The following NBEA variants were observed in gnomAD, a reference collection of about 807,000 sequenced individuals.
The protein encoded by NBEA is neurobeachin.
A neutral mutation model predicts 343.4 loss-of-function variants in NBEA; 44 were observed. The ratio of observed to expected loss-of-function variants is 0.13; its 90% CI spans 0.10 to 0.16. The LOEUF is 0.16. Among genes scored for constraint, NBEA ranks in the 10% least tolerant of loss-of-function variants. NBEA has a pLI of 1.00. For missense variants in NBEA, 2,555 were observed against 3,631.3 expected, an observed-to-expected ratio of 0.70 and a Z score of 7.62; for synonymous variants, 1,175 against 1,238.7, an observed-to-expected ratio of 0.95 and a Z score of 1.08.
intron 16 of NBEA, 53 bp downstream of exon 16, chr13:35,118,527 C>G: frequency 7.7e-7 from 1 of 1,302,894 alleles, no homozygotes. Flanking sequence ...CACAGTTGTT[C>G]CTCCTAGAAT....
chr13:35,288,706 A>G (rs890644379), intron 34 of NBEA, among the ~76,000 whole-genome samples: 1 of 151,944 alleles, frequency 6.6e-6, no homozygotes, highest in African/African-American at 2.4e-5. Context: ...ACTTCAATTT[A>G]TTATATATTT....
chr13:35,246,670 CCTG>C (rs2031246405), intron 34 of NBEA, among the ~76,000 whole-genome samples: 2 of 152,150 alleles, frequency 1.3e-5, no homozygotes, highest in African/African-American at 4.8e-5. Context: ...GATACCAGCA[CCTG>C]CTCCAATGAA....
intron 10 of NBEA, among the ~76,000 whole-genome samples, chr13:35,074,080 G>T (rs1031484087): frequency 2.0e-5 from 3 of 152,140 alleles, no homozygotes; most frequent in Non-Finnish European, 4.4e-5. Context: ...GGACTTTCAA[G>T]TCAGACAAAC....
chr13:35,216,849 A>G (rs999336566), intron 33 of NBEA, among the ~76,000 whole-genome samples: 4 of 151,990 alleles, frequency 2.6e-5, no homozygotes, highest in Admixed American at 1.3e-4. Flanking sequence ...GCTATTAAAA[A>G]TAAAGTTACA....
chr13:35,189,909 G>A (rs769448557), intron 30 of NBEA, among the ~76,000 whole-genome samples: 7 of 152,056 alleles, frequency 4.6e-5, no homozygotes, highest in Non-Finnish European at 8.8e-5. Flanking sequence ...AGAACAGCAA[G>A]ATTTAGAGTG....
chr13:35,625,402 A>C (rs2083179935), intron 48 of NBEA, among the ~76,000 whole-genome samples: 1 of 152,130 alleles, frequency 6.6e-6, no homozygotes, highest in South Asian at 2.1e-4. Flanking sequence ...GGATCACGTG[A>C]GCTCAGGAGT....
intron 41 of NBEA, among the ~76,000 whole-genome samples, chr13:35,510,174 G>C (rs189173449): frequency 1.2e-3 from 190 of 152,290 alleles, no homozygotes; most frequent in African/African-American, 4.4e-3. Context: ...CGTTTGAATG[G>C]AGAATTGAAA....
At chr13:35,246,393 G>T (rs1459212162) in intron 34 of NBEA, among the ~76,000 whole-genome samples, 1 of 152,048 alleles carries the variant, frequency 6.6e-6, no homozygotes, top group Non-Finnish European at 1.5e-5. Flanking sequence ...TATTTTTATG[G>T]TTCCTTCCCA....
At chr13:35,317,856 G>A (rs1462266555) in intron 36 of NBEA, among the ~76,000 whole-genome samples, 1 of 151,332 alleles carries the variant, frequency 6.6e-6, no homozygotes, top group Non-Finnish European at 1.5e-5. Context: ...TATTATCTTA[G>A]TAGCAGTGGT....
At chr13:35,115,175 G>C (rs1342705007) in intron 13 of NBEA, among the ~76,000 whole-genome samples, 1 of 152,072 alleles carries the variant, frequency 6.6e-6, no homozygotes, top group Non-Finnish European at 1.5e-5. Flanking sequence ...GGTAGCCAAT[G>C]TTACCAGTCT....
intron 46 of NBEA, among the ~76,000 whole-genome samples, chr13:35,592,250 G>T (rs2081571448): frequency 6.6e-6 from 1 of 152,084 alleles, no homozygotes; most frequent in Admixed American, 6.6e-5. Context: ...ATGCAAAAAG[G>T]TCTAGTTCAT....
chr13:35,655,559 C>A lies in NBEA; in HGVS notation c.8192-20C>A. The A allele has an allele frequency of 1.3e-6, 2 of 1,598,194 alleles. No individual in the cohort carries two copies. The highest frequency in any genetic ancestry group is 1.7e-6 in the Non-Finnish European group (2 of 1,169,796). On this transcript the variant is annotated intron_variant, in intron 54 of 58. Transcript: ENST00000379939. Reference sequence around the variant, plus strand: ...AAGAAAAAGACTAAATGAAGCAAACCTGTCATTTCTGTGTTGCAGGGAAAT... The same window carrying A: ...AAGAAAAAGACTAAATGAAGCAAACATGTCATTTCTGTGTTGCAGGGAAAT...
chr13:35,190,932 C>A (rs1017897401), intron 30 of NBEA, among the ~76,000 whole-genome samples: 3 of 151,868 alleles, frequency 2.0e-5, no homozygotes, highest in Non-Finnish European at 4.4e-5. Context: ...AGGAGGATAC[C>A]AATAAAGATA....
chr13:35,611,115 G>A (rs34204220), intron 48 of NBEA, among the ~76,000 whole-genome samples: 33,981 of 150,914 alleles, frequency 0.23, 4,008 homozygotes, highest in Non-Finnish European at 0.24. Flanking sequence ...CACATATCCT[G>A]CTGGTACAAA....
intron 39 of NBEA, among the ~76,000 whole-genome samples, chr13:35,434,453 A>T (rs1039445939): frequency 6.6e-6 from 1 of 152,210 alleles, no homozygotes; most frequent in African/African-American, 2.4e-5. Context: ...AAAGAGGAGT[A>T]TGTTTTTATT....
chr13:35,312,620 A>G (rs2037444188), intron 36 of NBEA, among the ~76,000 whole-genome samples: 3 of 152,188 alleles, frequency 2.0e-5, no homozygotes, highest in African/African-American at 4.8e-5. Flanking sequence ...AGCAATACCA[A>G]TCTGAGGTTC....
chr13:35,632,317 A>G (rs1158273331), intron 49 of NBEA, among the ~76,000 whole-genome samples: 1 of 152,138 alleles, frequency 6.6e-6, no homozygotes, highest in African/African-American at 2.4e-5. Context: ...TTGATGCTCA[A>G]ATGTGGCCCA....
chr13:35,099,127 T>C (rs1340181013), intron 11 of NBEA, among the ~76,000 whole-genome samples: 2 of 149,586 alleles, frequency 1.3e-5, no homozygotes, highest in Non-Finnish European at 3.0e-5. Context: ...CTGAGTTCGA[T>C]CAAGCGATTC....
At chr13:35,626,349 A>T (rs572147472) in intron 48 of NBEA, among the ~76,000 whole-genome samples, 1 of 152,344 alleles carries the variant, frequency 6.6e-6, no homozygotes, top group South Asian at 2.1e-4. Context: ...AGCTCAAATT[A>T]TTGAAAAGTC....
Sources: allele counts gnomAD v4.1 joint callset (sites outside exome capture counted in the v4.1 genomes callset), GRCh38; gene constraint gnomAD v4.1.1; transcripts MANE v1.5; gene names NCBI Gene and HGNC (gene_info 2026-07-23, HGNC 2026-07-21).